ZNF540: variants seen among roughly 807,000 people sequenced by gnomAD.
The protein encoded by ZNF540 is CTD-3064H18.6.
Under a neutral mutation model 11.8 loss-of-function variants are expected in ZNF540, and 3 were observed. That is an observed-to-expected ratio of 0.25 (90% CI 0.12 to 0.65). The LOEUF is 0.65. Ranked by LOEUF, ZNF540 falls within the 30% of genes least tolerant of loss-of-function variation. The pLI, the probability that ZNF540 is intolerant of heterozygous loss-of-function variation, is 0.83. For synonymous variants in ZNF540, 247 were observed against 259.0 expected (o/e 0.95, Z 0.45); for missense variants, 709 against 793.1 (o/e 0.89, Z 1.27).
intron 1 of ZNF540, among the ~76,000 whole-genome samples, chr19:37,580,384 T>C (rs2043412003): frequency 6.6e-6 from 1 of 152,282 alleles, no homozygotes; most frequent in South Asian, 2.1e-4. Context: ...ACACTCAACC[T>C]GAGCCAAAAT....
chr19:37,612,207 A>C lies in ZNF540; in HGVS notation c.927A>C (p.Gln309His). 1 of 1,612,524 alleles carries C rather than the reference A, an allele frequency of 6.2e-7. No homozygotes were observed. Among genetic ancestry groups the C allele is most frequent in the Non-Finnish European group, 8.5e-7 (1 of 1,179,754 alleles). The part of the protein sequence containing the change: ...YECKECGKVF[Q>H]LIFYFKEHER... ...GTAAAGAATGTGGAAAAGTTTTTCA[A>C]CTTATTTTCTACTTTAAAGAACATG... is the stretch of plus-strand genomic sequence containing the variant. Residue 309 changes from glutamine (Q) to histidine (H), a missense_variant, in exon 5 of 5, where the codon CAA becomes CAC. Transcript: ENST00000316433.
At chr19:37,593,282 A>G (rs2043920997), upstream of ZNF540, among the ~76,000 whole-genome samples, 1 of 152,248 alleles carries the variant, frequency 6.6e-6, no homozygotes, top group Non-Finnish European at 1.5e-5. Context: ...AATGTTTTTA[A>G]TTACAGCTAG....
chr19:37,597,105 T>C (rs993636293), intron 1 of ZNF540, among the ~76,000 whole-genome samples: 1 of 152,144 alleles, frequency 6.6e-6, no homozygotes. Flanking sequence ...AATAATGACA[T>C]TGTAGAACTG....
intron 1 of ZNF540, among the ~76,000 whole-genome samples, chr19:37,553,010 T>A (rs1600435763): frequency 2.5e-4 from 1 of 3,944 alleles, no homozygotes; most frequent in Admixed American, 3.5e-3. Context: ...TTGCATGGTG[T>A]TTTTTTTTTT....
chr19:37,609,925 G>A (rs1252874257), intron 4 of ZNF540, among the ~76,000 whole-genome samples: 1 of 152,126 alleles, frequency 6.6e-6, no homozygotes, highest in Non-Finnish European at 1.5e-5. Flanking sequence ...CTGAATAATA[G>A]TAAAACTCAG....
chr19:37,586,668 G>T, intron 1 of ZNF540: 1 of 1,614,078 alleles, frequency 6.2e-7, no homozygotes, highest in East Asian at 2.2e-5. Context: ...AGCAACTCAC[G>T]TGGGGCATGG....
At chr19:37,610,141 TAAG>T (rs1212705003) in intron 4 of ZNF540, among the ~76,000 whole-genome samples, 1 of 152,134 alleles carries the variant, frequency 6.6e-6, no homozygotes, top group East Asian at 1.9e-4. Flanking sequence ...ATCACTGTAA[TAAG>T]GTGAGAGAGA....
At chr19:37,591,174 A>T (rs1055706312), upstream of ZNF540, among the ~76,000 whole-genome samples, 1 of 152,232 alleles carries the variant, frequency 6.6e-6, no homozygotes, top group Non-Finnish European at 1.5e-5. Flanking sequence ...ATGCCCAGAC[A>T]GTGGTCACTG....
At chr19:37,571,053 A>G (rs1420793588) in intron 1 of ZNF540, among the ~76,000 whole-genome samples, 1 of 152,234 alleles carries the variant, frequency 6.6e-6, no homozygotes, top group East Asian at 1.9e-4. Context: ...TGTTCATACT[A>G]AACAGACTTA....
chr19:37,604,657 G>T, intron 4 of ZNF540, among the ~76,000 whole-genome samples: 1 of 151,982 alleles, frequency 6.6e-6, no homozygotes, highest in East Asian at 1.9e-4. Context: ...GATTTATATA[G>T]AATAAAATTC....
At chr19:37,585,999 C>G (rs1035558930) in intron 1 of ZNF540, 3 of 152,224 alleles carry the variant, frequency 2.0e-5, no homozygotes, top group African/African-American at 7.2e-5. Context: ...AACAGATTCT[C>G]CAGTCCTCTA....
chr19:37,610,450 T>C (rs2044119379), intron 4 of ZNF540, among the ~76,000 whole-genome samples: 1 of 152,058 alleles, frequency 6.6e-6, no homozygotes, highest in African/African-American at 2.4e-5. Context: ...AATGAAGAAA[T>C]GAAACATGAT....
intron 1 of ZNF540, among the ~76,000 whole-genome samples, chr19:37,571,377 T>TC (rs1288864972): frequency 6.6e-6 from 1 of 151,942 alleles, no homozygotes; most frequent in African/African-American, 2.4e-5. Flanking sequence ...GCACCTGTAA[T>TC]CCCAGCTACT....
In ZNF540 at chr19:37,612,812, C is replaced by T; in HGVS notation, c.1532C>T (p.Thr511Ile). 7.4e-6 allele frequency: 12 copies of T among 1,614,054 alleles called. No individual in the cohort carries two copies. Among genetic ancestry groups the T allele is most frequent in the Non-Finnish European group, 1.0e-5 (12 of 1,180,020 alleles). ...GKTFRFGFYL[T>I]EHQRIHTGEK... ...ACCTTTAGATTTGGTTTCTACCTTA[C>T]TGAACACCAGAGAATTCACACTGGT... Residue 511 changes from threonine to isoleucine, a missense_variant, in exon 5 of 5, where the codon ACT becomes ATT. Transcript: ENST00000316433.
At chr19:37,552,564 C>T (rs1474868405) in intron 1 of ZNF540, among the ~76,000 whole-genome samples, 1 of 152,100 alleles carries the variant, frequency 6.6e-6, no homozygotes, top group African/African-American at 2.4e-5. Context: ...TGTATGATTG[C>T]TTTGTCTTCT....
At chr19:37,596,323 G>A (rs927202551) in intron 1 of ZNF540, among the ~76,000 whole-genome samples, 1 of 152,166 alleles carries the variant, frequency 6.6e-6, no homozygotes, top group Non-Finnish European at 1.5e-5. Context: ...GTTTTAAAGA[G>A]ACAGGCTCTC....
chr19:37,601,271 T>C, intron 4 of ZNF540, 166 bp downstream of exon 4: 2 of 504,350 alleles, frequency 4.0e-6, no homozygotes, highest in Middle Eastern at 2.8e-4. Flanking sequence ...CATCTGAGCA[T>C]GAACTATCAA....
Position 37,612,875 on chromosome 19 carries a change from T to A in ZNF540, c.1595T>A (p.Phe532Tyr). The A allele has an allele frequency of 6.2e-7, 1 of 1,614,108 alleles. No homozygotes were observed. The highest frequency in any genetic ancestry group is 1.3e-5 in the African/African-American group (1 of 75,042). The change falls in exon 5 of 5, where the codon TTT becomes TAT. Residue 532 changes from phenylalanine (F) to tyrosine (Y), a missense_variant. Coordinates refer to ENST00000316433, the MANE Select transcript of ZNF540 (RefSeq NM_001172225.3). ...PYKCKECGKA[F>Y]IRRGNLKEHL... Reference sequence around the variant, plus strand: ...AAATGTAAAGAATGTGGAAAGGCCTTTATTCGTAGAGGGAATCTTAAAGAA... The same window carrying A: ...AAATGTAAAGAATGTGGAAAGGCCTATATTCGTAGAGGGAATCTTAAAGAA...
intron 4 of ZNF540, among the ~76,000 whole-genome samples, chr19:37,609,302 G>T (rs1367131564): frequency 6.6e-6 from 1 of 152,172 alleles, no homozygotes; most frequent in Non-Finnish European, 1.5e-5. Flanking sequence ...TCAGCACTTT[G>T]GGAGGCCGAG....
Sources: gnomAD v4.1 joint callset for allele counts (sites outside exome capture counted in the v4.1 genomes callset) on GRCh38, gnomAD v4.1.1 for gene constraint, MANE v1.5 for transcripts, NCBI Gene and HGNC (gene_info 2026-07-23, HGNC 2026-07-21) for gene names.